The following HERPUD2 variants were observed in gnomAD, a reference collection of about 807,000 sequenced individuals.
The protein encoded by HERPUD2 is homocysteine-responsive endoplasmic reticulum-resident ubiquitin-like domain member 2 protein.
HERPUD2 carries 13 observed loss-of-function variants against 49.9 expected under a neutral mutation model. The ratio of observed to expected loss-of-function variants is 0.26; its 90% CI spans 0.17 to 0.41. The LOEUF is 0.41. HERPUD2 is among the 10% of genes least tolerant of loss of function. The pLI, the probability that HERPUD2 is intolerant of heterozygous loss-of-function variation, is 1.00. For missense variants in HERPUD2, 449 were observed against 492.2 expected, an observed-to-expected ratio of 0.91 and a Z score of 0.83; for synonymous variants, 172 against 171.4, an observed-to-expected ratio of 1.00 and a Z score of -0.03.
chr7:35,691,116 T>C (rs1212933724), intron 2 of HERPUD2, among the ~76,000 whole-genome samples: 1 of 152,168 alleles, frequency 6.6e-6, no homozygotes, highest in Non-Finnish European at 1.5e-5. Context: ...TTAGCATAAA[T>C]ATTCAAATGC....
Position 35,670,317 on chromosome 7 carries a change from AT to A in HERPUD2, c.236del (p.Tyr79PhefsTer6), listed in dbSNP as rs1320108765. ...AAGTACATACTAGATGAACCATATG[AT>A]ACTCATCTTGCTAAAATTAAAGAAG... is the stretch of plus-strand genomic sequence containing the variant. Reference protein sequence around the residue: ...LKDILRKQDEYHMVHLVCTSR... With the variant: ...LKDILRKQDEXHMVHLVCTSR... On this transcript the variant is annotated frameshift_variant, in exon 4 of 9. Coordinates refer to ENST00000311350, the MANE Select transcript of HERPUD2 (RefSeq NM_022373.5). LOFTEE classifies it high-confidence loss of function. The A allele has an allele frequency of 6.8e-7, 1 of 1,470,682 alleles. No homozygotes were observed. The highest frequency in any genetic ancestry group is 1.4e-5 in the African/African-American group (1 of 69,006). 91.1% of individuals were successfully genotyped at this position (1,470,682 alleles called of 1,614,324 possible).
At chr7:35,650,091 G>C (rs1444390703) in intron 5 of HERPUD2, among the ~76,000 whole-genome samples, 2 of 152,194 alleles carry the variant, frequency 1.3e-5, no homozygotes, top group African/African-American at 4.8e-5. Context: ...GATTCTAAGA[G>C]AGGCTTCATG....
intron 6 of HERPUD2, among the ~76,000 whole-genome samples, chr7:35,636,319 G>A (rs1784870910): frequency 6.6e-6 from 1 of 152,096 alleles, no homozygotes; most frequent in African/African-American, 2.4e-5. Flanking sequence ...TTAAATAAGT[G>A]GTTCCCAGGC....
chr7:35,674,307 G>T (rs1785702316), intron 2 of HERPUD2, among the ~76,000 whole-genome samples: 2 of 145,534 alleles, frequency 1.4e-5, no homozygotes, highest in Non-Finnish European at 3.0e-5. Context: ...TTCCTCAAAT[G>T]CACATGTACA....
In HERPUD2 at chr7:35,682,351, GTGTGTGTATA is replaced by G. The variant is rs1478492929; in HGVS notation, c.148-9083_148-9074del. On this transcript the variant is annotated intron_variant, in intron 2 of 8. Coordinates refer to ENST00000311350, the MANE Select transcript of HERPUD2 (RefSeq NM_022373.5). ...CGTGTGTGTGTGTGTGTGTGTGTGT[GTGTGTGTATA>G]TATATATATATATATATATATATAT... Among the ~76,000 whole-genome samples, 18 of 28,746 alleles carry G rather than the reference GTGTGTGTATA, an allele frequency of 6.3e-4. 4 individuals are homozygous for G. The highest frequency in any genetic ancestry group is 1.4e-3 in the African/African-American group (11 of 7,958). 18.9% of individuals were successfully genotyped at this position (28,746 alleles called of 152,430 possible).
intron 5 of HERPUD2, among the ~76,000 whole-genome samples, chr7:35,665,383 G>A (rs1213210672): frequency 6.6e-6 from 1 of 152,240 alleles, no homozygotes; most frequent in Non-Finnish European, 1.5e-5. Context: ...TGCTAGCAAT[G>A]AGCAGGGCTC....
At chr7:35,664,103 T>G (rs990883555) in intron 5 of HERPUD2, among the ~76,000 whole-genome samples, 4 of 152,190 alleles carry the variant, frequency 2.6e-5, no homozygotes, top group Non-Finnish European at 1.5e-5. Context: ...TGACAAAATC[T>G]CTCAGCATTT....
chr7:35,656,347 G>C (rs1385588835), intron 5 of HERPUD2, among the ~76,000 whole-genome samples: 2 of 151,884 alleles, frequency 1.3e-5, no homozygotes, highest in African/African-American at 4.8e-5. Flanking sequence ...CAACTGGAAA[G>C]ACACCCTATG....
At chr7:35,653,652 T>C (rs13246117) in intron 5 of HERPUD2, among the ~76,000 whole-genome samples, 28,701 of 151,922 alleles carry the variant, frequency 0.19, 3,196 homozygotes, top group African/African-American at 0.31. Context: ...ATAGACTGTA[T>C]GTTAGGCCAC....
intron 5 of HERPUD2, among the ~76,000 whole-genome samples, chr7:35,653,067 T>G (rs1785200553): frequency 6.6e-6 from 1 of 152,138 alleles, no homozygotes; most frequent in Non-Finnish European, 1.5e-5. Flanking sequence ...ATGACAGGAA[T>G]AAGCCCTGTC....
In HERPUD2 at chr7:35,633,746, T is replaced by G; in HGVS notation, c.1165A>C (p.Ile389Leu). The change falls in exon 9 of 9, where the codon ATC (isoleucine) becomes CTC (leucine). Residue 389 changes from isoleucine (I) to leucine (L), a missense_variant. By Grantham distance (5) the Ile-to-Leu change is conservative. Transcript: ENST00000311350. The part of the protein sequence containing the change: ...PGLMASAWSF[I>L]TTFFTSLIPE... Reference sequence around the variant, plus strand: ...ATTAGTGAAGTAAAGAAGGTGGTGATGAAAGACCAAGCTGAAGCCATTAAT... The same window carrying G: ...ATTAGTGAAGTAAAGAAGGTGGTGAGGAAAGACCAAGCTGAAGCCATTAAT... 6.2e-7 allele frequency: 1 copy of G among 1,613,984 alleles called. No individual in the cohort carries two copies. Among genetic ancestry groups the G allele is most frequent in the Non-Finnish European group, 8.5e-7 (1 of 1,179,930 alleles).
intron 2 of HERPUD2, among the ~76,000 whole-genome samples, chr7:35,686,001 C>T (rs1583571577): frequency 6.7e-6 from 1 of 148,178 alleles, no homozygotes; most frequent in Middle Eastern, 3.5e-3. Flanking sequence ...ACTTAAATAT[C>T]AGGAAAATCA....
chr7:35,689,833 G>A (rs1786141752), intron 2 of HERPUD2, among the ~76,000 whole-genome samples: 1 of 152,116 alleles, frequency 6.6e-6, no homozygotes, highest in East Asian at 1.9e-4. Flanking sequence ...GAAAAATGGA[G>A]AGCCAAGCCA....
intron 2 of HERPUD2, among the ~76,000 whole-genome samples, chr7:35,684,235 A>G (rs1405435385): frequency 6.6e-6 from 1 of 151,900 alleles, no homozygotes; most frequent in Non-Finnish European, 1.5e-5. Flanking sequence ...AAATACAAAA[A>G]CAAAATTAGC....
Position 35,635,202 on chromosome 7 carries a change from T to C in HERPUD2, c.874A>G (p.Ile292Val), listed in dbSNP as rs774550338. 1.9e-6 allele frequency: 3 copies of C among 1,614,156 alleles called. No individual in the cohort carries two copies. The highest frequency in any genetic ancestry group is 2.5e-6 in the Non-Finnish European group (3 of 1,179,980). ...CTAAAAGAAGAATAGAAGTATACAA[T>C]GCTAAGGAGAATCGCAGCTCGTGAG... ...TFSRAAILLS[I>V]VYFYSSFSRF... is the part of the protein sequence containing the mutation. Residue 292 changes from isoleucine to valine, a missense_variant, in exon 7 of 9, where the codon ATT becomes GTT. Physicochemically the swap from Ile to Val is conservative, Grantham distance 29 (BLOSUM62 3). Transcript: ENST00000311350.
At chr7:35,652,419 A>G (rs745438620) in intron 5 of HERPUD2, among the ~76,000 whole-genome samples, 5 of 152,194 alleles carry the variant, frequency 3.3e-5, no homozygotes, top group Non-Finnish European at 5.9e-5. Context: ...ACAACACATT[A>G]TAGTCAAACT....
chr7:35,683,394 A>C (rs1412031622), intron 2 of HERPUD2, among the ~76,000 whole-genome samples: 1 of 152,208 alleles, frequency 6.6e-6, no homozygotes, highest in Admixed American at 6.5e-5. Context: ...CTGGATCCTC[A>C]TATTTCACCT....
intron 2 of HERPUD2, among the ~76,000 whole-genome samples, chr7:35,691,223 G>A (rs1388221459): frequency 1.3e-5 from 2 of 152,126 alleles, no homozygotes; most frequent in Non-Finnish European, 2.9e-5. Flanking sequence ...GCTAGGGGAG[G>A]GAGAAGTGAA....
Position 35,633,536 on chromosome 7 carries a change from C to A in HERPUD2, c.*154G>T. The A allele has an allele frequency of 4.1e-6, 2 of 485,116 alleles. No individual in the cohort carries two copies. The highest frequency in any genetic ancestry group is 4.1e-5 in the South Asian group (1 of 24,110). 30.1% of individuals were successfully genotyped at this position (485,116 alleles called of 1,614,324 possible). ...TCAGATATTTAGTAGTCCATTCGTG[C>A]TTAAAATATTCATATGCATGAGAAG... is the stretch of plus-strand genomic sequence containing the variant. On this transcript the variant is annotated 3_prime_UTR_variant, in exon 9 of 9. Coordinates refer to ENST00000311350, the MANE Select transcript of HERPUD2 (RefSeq NM_022373.5).
Sources: gnomAD v4.1 joint callset for allele counts (sites outside exome capture counted in the v4.1 genomes callset) on GRCh38, gnomAD v4.1.1 for gene constraint, MANE v1.5 for transcripts, NCBI Gene and HGNC (gene_info 2026-07-23, HGNC 2026-07-21) for gene names.